FAM110B: variants seen among roughly 807,000 people sequenced by gnomAD.
The protein encoded by FAM110B is protein FAM110B.
FAM110B carries 6 observed loss-of-function variants against 20.4 expected under a neutral mutation model. That is an observed-to-expected ratio of 0.29 (90% CI 0.16 to 0.58). The LOEUF (loss-of-function observed/expected upper bound fraction) is 0.58, where lower values mean the gene tolerates loss of function less well. Ranked by LOEUF, FAM110B falls within the 20% of genes least tolerant of loss-of-function variation. The probability of loss-of-function intolerance (pLI) is 0.90; values close to 1 mark genes in which losing one functional copy is unlikely to be tolerated. For missense variants in FAM110B, 434 were observed against 498.2 expected (o/e 0.87, Z 1.23); for synonymous variants, 226 against 214.1 (o/e 1.06, Z -0.49).
intron 3 of FAM110B, among the ~76,000 whole-genome samples, chr8:58,077,797 C>G (rs1585866172): frequency 6.6e-6 from 1 of 152,262 alleles, no homozygotes; most frequent in East Asian, 1.9e-4. Context: ...TATTATTTAC[C>G]TAGATCAGGA....
At chr8:57,996,222 C>A (rs1408495960) in intron 1 of FAM110B, among the ~76,000 whole-genome samples, 1 of 152,198 alleles carries the variant, frequency 6.6e-6, no homozygotes, top group Non-Finnish European at 1.5e-5. Context: ...ATAGATTGTA[C>A]ATGTAAAGTC....
At chr8:58,055,378 T>C (rs1338991213) in intron 2 of FAM110B, among the ~76,000 whole-genome samples, 1 of 152,248 alleles carries the variant, frequency 6.6e-6, no homozygotes, top group Non-Finnish European at 1.5e-5. Flanking sequence ...TCTACTCTTC[T>C]CATACCTTGA....
At chr8:58,098,489 G>T (rs904196638) in intron 3 of FAM110B, among the ~76,000 whole-genome samples, 1 of 152,208 alleles carries the variant, frequency 6.6e-6, no homozygotes, top group Non-Finnish European at 1.5e-5. Flanking sequence ...TTCCTTGGGG[G>T]TGGGATCCAT....
intron 2 of FAM110B, among the ~76,000 whole-genome samples, chr8:58,040,788 A>T (rs1253748460): frequency 6.6e-6 from 1 of 152,174 alleles, no homozygotes; most frequent in Non-Finnish European, 1.5e-5. Context: ...GTTTTTAATG[A>T]GACTGAAAAT....
At chr8:58,131,184 C>T (rs1803454347) in intron 3 of FAM110B, among the ~76,000 whole-genome samples, 1 of 152,218 alleles carries the variant, frequency 6.6e-6, no homozygotes, top group Non-Finnish European at 1.5e-5. Flanking sequence ...TTTTTGGTCA[C>T]ATTTTAATCC....
intron 2 of FAM110B, among the ~76,000 whole-genome samples, chr8:58,033,549 C>G (rs1178346749): frequency 6.6e-6 from 1 of 152,020 alleles, no homozygotes; most frequent in East Asian, 1.9e-4. Context: ...GTGGAAGGAG[C>G]ATAAATGATT....
At chr8:58,130,994 C>G (rs976402238) in intron 3 of FAM110B, among the ~76,000 whole-genome samples, 3 of 152,164 alleles carry the variant, frequency 2.0e-5, no homozygotes, top group African/African-American at 7.2e-5. Context: ...TTGTGCCCAC[C>G]CTCAGCCTCC....
At chr8:58,022,897 G>A (rs1804784437) in intron 1 of FAM110B, among the ~76,000 whole-genome samples, 1 of 152,194 alleles carries the variant, frequency 6.6e-6, no homozygotes. Context: ...GAAAAACAGT[G>A]TGGGAAAGCC....
intron 2 of FAM110B, among the ~76,000 whole-genome samples, chr8:58,036,338 G>A (rs1294491101): frequency 6.6e-6 from 1 of 152,214 alleles, no homozygotes; most frequent in Non-Finnish European, 1.5e-5. Flanking sequence ...GGCTCAGCCA[G>A]ACATTTTATA....
At chr8:58,053,121 A>G (rs1483729202) in intron 2 of FAM110B, among the ~76,000 whole-genome samples, 1 of 152,128 alleles carries the variant, frequency 6.6e-6, no homozygotes, top group Non-Finnish European at 1.5e-5. Flanking sequence ...ATTAGGTTGC[A>G]GTATATAAAA....
At chr8:58,000,236 G>A (rs71519493) in intron 1 of FAM110B, among the ~76,000 whole-genome samples, 6,333 of 152,292 alleles carry the variant, frequency 0.042, 231 homozygotes, top group Non-Finnish European at 0.051. Flanking sequence ...CCACAGCGGA[G>A]TTGGGGTTGG....
At chr8:58,048,205 G>A (rs188039692) in intron 2 of FAM110B, among the ~76,000 whole-genome samples, 11 of 152,288 alleles carry the variant, frequency 7.2e-5, no homozygotes, top group Middle Eastern at 6.8e-3. Context: ...CATTTTCCAG[G>A]AAAATTATCT....
intron 3 of FAM110B, among the ~76,000 whole-genome samples, chr8:58,103,153 G>A (rs779163025): frequency 1.3e-5 from 2 of 152,036 alleles, no homozygotes; most frequent in African/African-American, 2.4e-5. Flanking sequence ...GTACAGAAGG[G>A]CATGTATTTC....
intron 1 of FAM110B, among the ~76,000 whole-genome samples, chr8:58,022,559 T>G (rs947449670): frequency 1.3e-5 from 2 of 152,186 alleles, no homozygotes; most frequent in African/African-American, 2.4e-5. Flanking sequence ...TTTTAAAAAT[T>G]TAATAATATA....
chr8:58,015,356 C>CAA (rs200885311), intron 1 of FAM110B, among the ~76,000 whole-genome samples: 2 of 136,280 alleles, frequency 1.5e-5, no homozygotes, highest in African/African-American at 5.4e-5. Context: ...AACTCTGTCT[C>CAA]AAAAAAAAAA....
chr8:58,057,299 G>T (rs1361932910), intron 2 of FAM110B, among the ~76,000 whole-genome samples: 2 of 152,180 alleles, frequency 1.3e-5, no homozygotes, highest in Non-Finnish European at 2.9e-5. Context: ...ATACAAAAGT[G>T]CTGGGCTTGT....
chr8:58,056,149 A>T (rs1805543602), intron 2 of FAM110B, among the ~76,000 whole-genome samples: 2 of 152,230 alleles, frequency 1.3e-5, no homozygotes, highest in African/African-American at 4.8e-5. Context: ...GAGAGGTCAT[A>T]AGACTGTCCT....
At chr8:58,084,543 C>T (rs35086012) in intron 3 of FAM110B, among the ~76,000 whole-genome samples, 14,062 of 152,152 alleles carry the variant, frequency 0.092, 867 homozygotes, top group Middle Eastern at 0.13. Flanking sequence ...GCACTCGCCA[C>T]CATGCCCAGC....
intron 2 of FAM110B, among the ~76,000 whole-genome samples, chr8:58,070,638 C>T (rs1437135544): frequency 2.0e-5 from 3 of 152,176 alleles, no homozygotes; most frequent in Non-Finnish European, 4.4e-5. Context: ...CTTACCGACT[C>T]GCTTCTGTTT....
Sources: allele counts gnomAD v4.1 joint callset (sites outside exome capture counted in the v4.1 genomes callset), GRCh38; gene constraint gnomAD v4.1.1; transcripts MANE v1.5; gene names NCBI Gene and HGNC (gene_info 2026-07-23, HGNC 2026-07-21).